LYZL4: variants seen among roughly 807,000 people sequenced by gnomAD.
LYZL4 encodes lysozyme like 4.
Under a neutral mutation model 17.6 loss-of-function variants are expected in LYZL4, and 13 were observed. The ratio of observed to expected loss-of-function variants is 0.74; its 90% CI spans 0.48 to 1.18. The LOEUF (loss-of-function observed/expected upper bound fraction) is 1.18. Among genes scored for constraint, LYZL4 ranks in the 50% most tolerant of loss-of-function variants. The probability of loss-of-function intolerance (pLI) is 0.00; values close to 1 mark genes in which losing one functional copy is unlikely to be tolerated. For missense variants in LYZL4, 174 were observed against 188.2 expected (o/e 0.92, Z 0.44); for synonymous variants, 64 against 67.7 (o/e 0.95, Z 0.27).
the LYZL4 span, among the ~76,000 whole-genome samples, chr3:42,379,216 T>G: frequency 6.6e-6 from 1 of 152,196 alleles, no homozygotes; most frequent in African/African-American, 2.4e-5. Flanking sequence ...ACTTCCAAAC[T>G]GCCTCACTCA....
the LYZL4 span, among the ~76,000 whole-genome samples, chr3:42,377,745 C>G: frequency 6.6e-6 from 1 of 151,866 alleles, no homozygotes; most frequent in African/African-American, 2.4e-5. Flanking sequence ...ATATTTTTCA[C>G]CCCAAGTCAT....
At chr3:42,399,254 G>T (rs1559453968) in intron 4 of LYZL4, among the ~76,000 whole-genome samples, 1 of 152,176 alleles carries the variant, frequency 6.6e-6, no homozygotes, top group Non-Finnish European at 1.5e-5. Flanking sequence ...CCTTCTCCCA[G>T]TGGCAGTTTA....
the LYZL4 span, among the ~76,000 whole-genome samples, chr3:42,368,301 A>T: frequency 6.6e-6 from 1 of 152,344 alleles, no homozygotes; most frequent in Middle Eastern, 3.4e-3. Flanking sequence ...CCAACTACTT[A>T]ACAAATAAAA....
the LYZL4 span, among the ~76,000 whole-genome samples, chr3:42,382,922 C>T: frequency 6.6e-6 from 1 of 151,994 alleles, no homozygotes; most frequent in Admixed American, 6.6e-5. Context: ...CCTAGGCGGC[C>T]TCAGAGATTC....
intron 3 of LYZL4, among the ~76,000 whole-genome samples, chr3:42,405,080 G>T (rs1040173739): frequency 7.2e-5 from 11 of 151,786 alleles, no homozygotes; most frequent in Middle Eastern, 3.4e-3. Context: ...AGGGATTCTC[G>T]CTCTGTCTCC....
At chr3:42,383,406 T>A in the LYZL4 span, among the ~76,000 whole-genome samples, 1 of 141,286 alleles carries the variant, frequency 7.1e-6, no homozygotes, top group Non-Finnish European at 1.5e-5. Flanking sequence ...AACCCCATCA[T>A]CTCCAGTATC....
intron 4 of LYZL4, among the ~76,000 whole-genome samples, chr3:42,402,834 A>C (rs1170196960): frequency 6.6e-6 from 1 of 152,248 alleles, no homozygotes; most frequent in Non-Finnish European, 1.5e-5. Flanking sequence ...CAGCACTAAA[A>C]ATGAAGAAAC....
intron 1 of LYZL4, among the ~76,000 whole-genome samples, chr3:42,408,453 C>T (rs1428957054): frequency 1.3e-5 from 2 of 152,166 alleles, no homozygotes; most frequent in African/African-American, 4.8e-5. Context: ...TCAAATGTTG[C>T]TGCATCTTGA....
At chr3:42,406,636 C>G (rs369488567) in intron 3 of LYZL4, among the ~76,000 whole-genome samples, 11 of 152,198 alleles carry the variant, frequency 7.2e-5, no homozygotes, top group African/African-American at 2.6e-4. Flanking sequence ...TCACTCCATC[C>G]TAGGTTAGCC....
the LYZL4 span, among the ~76,000 whole-genome samples, chr3:42,375,207 T>A: frequency 0.027 from 4,162 of 152,274 alleles, 187 homozygotes; most frequent in African/African-American, 0.095. Context: ...TTCTATCCTG[T>A]CTTCTCTCCT....
At chr3:42,406,467 A>AG (rs1698753491) in intron 3 of LYZL4, among the ~76,000 whole-genome samples, 1 of 73,288 alleles carries the variant, frequency 1.4e-5, no homozygotes, top group Non-Finnish European at 2.9e-5. Flanking sequence ...AAAAAAAAAA[A>AG]AAAAAAAAAA....
Position 42,407,509 on chromosome 3 carries a change from A to G in LYZL4, c.-92-166T>C, listed in dbSNP as rs139107508. 2.8e-4 allele frequency: 142 copies of G among 506,480 alleles called. No homozygotes were observed. The East Asian group carries it at 4.9e-3, about 17-fold the overall frequency. 31.4% of individuals were successfully genotyped at this position (506,480 alleles called of 1,614,324 possible). A position where few individuals can be genotyped will look rare whatever the true frequency, so the allele number is the denominator to read the frequency against. Reference sequence around the variant, plus strand: ...TCCTCCTCTTGACCTCCTATTTTCTAAGGAAATTGCACTCTTGAGGCCCCC... The same window carrying G: ...TCCTCCTCTTGACCTCCTATTTTCTGAGGAAATTGCACTCTTGAGGCCCCC... On this transcript the variant is annotated intron_variant, in intron 1 of 4. Coordinates refer to ENST00000287748, the MANE Select transcript of LYZL4 (RefSeq NM_144634.4).
the LYZL4 span, among the ~76,000 whole-genome samples, chr3:42,369,707 G>T: frequency 2.0e-5 from 3 of 152,318 alleles, no homozygotes; most frequent in Admixed American, 6.5e-5. Context: ...GCAATGGCAA[G>T]TGGAATGCTT....
the LYZL4 span, among the ~76,000 whole-genome samples, chr3:42,371,471 G>C: frequency 6.6e-6 from 1 of 152,188 alleles, no homozygotes; most frequent in African/African-American, 2.4e-5. Context: ...TAGAATCTGA[G>C]TACATAATAG....
the LYZL4 span, among the ~76,000 whole-genome samples, chr3:42,366,434 A>G: frequency 6.6e-6 from 1 of 152,132 alleles, no homozygotes; most frequent in Admixed American, 6.5e-5. Flanking sequence ...GGCAGAAGCT[A>G]TGCCACTGCT....
At chr3:42,378,515 C>T in the LYZL4 span, among the ~76,000 whole-genome samples, 2 of 152,272 alleles carry the variant, frequency 1.3e-5, no homozygotes, top group South Asian at 2.1e-4. Context: ...TGGTCTGTCC[C>T]CAAGTCTCCA....
At chr3:42,370,039 A>G in the LYZL4 span, among the ~76,000 whole-genome samples, 3 of 152,160 alleles carry the variant, frequency 2.0e-5, no homozygotes, top group African/African-American at 7.2e-5. Context: ...CAAAGACTCC[A>G]GGGGCTCCCA....
the LYZL4 span, among the ~76,000 whole-genome samples, chr3:42,367,944 T>C: frequency 4.8e-4 from 73 of 152,376 alleles, no homozygotes; most frequent in Middle Eastern, 3.4e-3. Flanking sequence ...TGATATTTCT[T>C]GCTGAGAGTG....
the LYZL4 span, among the ~76,000 whole-genome samples, chr3:42,389,294 A>C: frequency 6.6e-6 from 1 of 152,158 alleles, no homozygotes; most frequent in Non-Finnish European, 1.5e-5. Flanking sequence ...CACAGGCCAG[A>C]ATTCTTATAG....
Sources: allele counts gnomAD v4.1 joint callset (sites outside exome capture counted in the v4.1 genomes callset), GRCh38; gene constraint gnomAD v4.1.1; transcripts MANE v1.5; gene names NCBI Gene and HGNC (gene_info 2026-07-23, HGNC 2026-07-21).